ITGB2: variants seen among roughly 807,000 people sequenced by gnomAD.
ITGB2 encodes the protein integrin subunit beta 2, also known as integrin beta-2.
A neutral mutation model predicts 86.8 loss-of-function variants in ITGB2; 56 were observed. The observed-to-expected ratio is 0.65, with a 90% confidence interval of 0.52 to 0.81. ITGB2 has a LOEUF of 0.81. Ranked by LOEUF, ITGB2 falls within the 30% of genes least tolerant of loss-of-function variation. The pLI, the probability that ITGB2 is intolerant of heterozygous loss-of-function variation, is 0.00. For missense variants in ITGB2, 948 were observed against 1,061.2 expected (o/e 0.89, Z 1.48); for synonymous variants, 457 against 450.4 (o/e 1.01, Z -0.19).
chr21:44,903,334 T>C (rs2083992720), intron 5 of ITGB2, 31 bp downstream of exon 5: 1 of 1,613,530 alleles, frequency 6.2e-7, no homozygotes. Flanking sequence ...GGGAAAGGAC[T>C]GGGTTTTGTC....
chr21:44,897,291 G>A (rs184822782), intron 8 of ITGB2, among the ~76,000 whole-genome samples: 8 of 152,342 alleles, frequency 5.3e-5, no homozygotes, highest in East Asian at 1.9e-4. Flanking sequence ...CAAAAGCAGC[G>A]GCCCTCCCGG....
intron 8 of ITGB2, among the ~76,000 whole-genome samples, chr21:44,895,874 AT>A (rs1312372829): frequency 5.5e-4 from 70 of 126,732 alleles, no homozygotes; most frequent in Middle Eastern, 7.9e-3. Context: ...ATGAAATGAA[AT>A]AAAAAAATAA....
At chr21:44,926,584 T>A (rs1568916747) in intron 1 of ITGB2, among the ~76,000 whole-genome samples, 1 of 152,122 alleles carries the variant, frequency 6.6e-6, no homozygotes, top group East Asian at 1.9e-4. Flanking sequence ...GATCCCAAGC[T>A]AGGACTGAGG....
chr21:44,893,422 G>A lies in ITGB2; in HGVS notation c.1206C>T (p.Gly402=), dbSNP rs753706143. 3 of 1,614,002 alleles carry A rather than the reference G, an allele frequency of 1.9e-6. No homozygotes were observed. The highest frequency in any genetic ancestry group is 2.2e-5 in the East Asian group (1 of 44,878). ...GGCTCACCGGGACATTGATCTGCAC[G>A]CCATCACAGTCACCTCTGGGCTGGT... is the stretch of plus-strand genomic sequence containing the variant. ...HRNQPRGDCD[G]VQINVPITFQ... The change falls in exon 10 of 16, where the codon GGC becomes GGT. Residue 402 remains glycine, a synonymous_variant. Transcript: ENST00000652462.
rs546962855 is a variant in ITGB2 at position 44,889,398 on chromosome 21, C to T, written c.1755G>A (p.Pro585=). ...CACGACCACTACACTCAACACGCCG[C>T]GGGTTCAGGCAGCCCTCAGTGGTCC... ...CERTTEGCLN[P]RRVECSGRGR... Residue 585 remains proline, a synonymous_variant, in exon 13 of 16, where the codon CCG becomes CCA. Transcript: ENST00000652462. 92 of 1,612,670 alleles carry T rather than the reference C, an allele frequency of 5.7e-5. No individual in the cohort carries two copies. The South Asian group carries it at 7.6e-4, about 13-fold the overall frequency.
At chr21:44,893,670 A>G in intron 9 of ITGB2, 126 bp from the exon 10 acceptor site, 3 of 1,277,154 alleles carry the variant, frequency 2.3e-6, no homozygotes, top group Non-Finnish European at 3.4e-6. Context: ...AGCTAATGAC[A>G]CAGAGGAGAG....
At chr21:44,894,405 G>A (rs2083833598) in intron 9 of ITGB2, 1 of 173,826 alleles carries the variant, frequency 5.8e-6, no homozygotes, top group Non-Finnish European at 1.3e-5. Flanking sequence ...GGTGCCTGGG[G>A]CCCTGAATGG....
At chr21:44,896,578 A>T (rs557897131) in intron 8 of ITGB2, among the ~76,000 whole-genome samples, 4 of 151,562 alleles carry the variant, frequency 2.6e-5, no homozygotes, top group African/African-American at 9.7e-5. Context: ...GGCCGGTCAC[A>T]GCCTGGCCAC....
chr21:44,888,832 A>G lies in ITGB2; in HGVS notation c.1941T>C (p.Cys647=). ...GGTTGTTCGACAGCTGCAGGCCCGG[A>G]CACGCCGCGCTGCAGTTCTTCCCAA... The part of the protein sequence containing the change: ...GPFGKNCSAA[C]PGLQLSNNPV... The change falls in exon 14 of 16, where the codon TGT becomes TGC. Residue 647 remains cysteine (C), a synonymous_variant. Coordinates refer to ENST00000652462, the MANE Select transcript of ITGB2 (RefSeq NM_000211.5). 6.2e-7 allele frequency: 1 copy of G among 1,610,706 alleles called. No homozygotes were observed. Among genetic ancestry groups the G allele is most frequent in the Non-Finnish European group, 8.5e-7 (1 of 1,179,954 alleles).
chr21:44,889,149 A>C, intron 13 of ITGB2, 127 bp downstream of exon 13: 1 of 919,234 alleles, frequency 1.1e-6, no homozygotes, highest in South Asian at 1.5e-5. Context: ...CCCTCAGTCC[A>C]GACGCACCCG....
rs746687917 is a variant in ITGB2, at chr21:44,901,656, T to C, written c.577A>G (p.Asn193Asp). The C allele has an allele frequency of 6.2e-7, 1 of 1,614,246 alleles. No homozygotes were observed. ...HPDKLRNPCP[N>D]KEKECQPPFA... Reference sequence around the variant, plus strand: ...GGGGGCTGGCACTCTTTCTCCTTGTTGGGGCATGGGTTTCGCAGCTTATCA... The same window carrying C: ...GGGGGCTGGCACTCTTTCTCCTTGTCGGGGCATGGGTTTCGCAGCTTATCA... Residue 193 changes from asparagine (N) to aspartate (D), a missense_variant, in exon 6 of 16, where the codon AAC becomes GAC. Transcript: ENST00000652462.
At chr21:44,913,563 G>C (rs1225654076) in intron 1 of ITGB2, among the ~76,000 whole-genome samples, 3 of 152,170 alleles carry the variant, frequency 2.0e-5, no homozygotes, top group African/African-American at 7.2e-5. Flanking sequence ...GCTTGGAGCT[G>C]GGGGCACAAG....
chr21:44,888,805 G>T lies in ITGB2; in HGVS notation c.1968C>A (p.Pro656=), dbSNP rs766106686. 5 of 1,611,670 alleles carry T rather than the reference G, an allele frequency of 3.1e-6. No homozygotes were observed. Among genetic ancestry groups the T allele is most frequent in the Non-Finnish European group, 4.2e-6 (5 of 1,179,990 alleles). Residue 656 remains proline, a synonymous_variant, in exon 14 of 16, where the codon CCC becomes CCA. Transcript: ENST00000652462. ...TCTCCTTGCAGGTCCTGCCCTTCAC[G>T]GGGTTGTTCGACAGCTGCAGGCCCG... The part of the protein sequence containing the change: ...ACPGLQLSNN[P]VKGRTCKERD...
At position 44,886,051 on chromosome 21, in the gene ITGB2, TTAAATGTAAA is replaced by T; in HGVS notation, c.*307_*316del. On this transcript the variant is annotated 3_prime_UTR_variant, in exon 16 of 16. Coordinates refer to ENST00000652462, the MANE Select transcript of ITGB2 (RefSeq NM_000211.5). ...GATGTCATTTTATACCCTGACAAGT[TTAAATGTAAA>T]TAAATTGGCACCACCTTTAATCAGA... The T allele has an allele frequency of 4.6e-6, 2 of 439,010 alleles. No homozygotes were observed. The highest frequency in any genetic ancestry group is 4.7e-5 in the South Asian group (2 of 42,226). The allele number at this position is 439,010 out of a possible 1,614,324, so 27.2% of individuals were successfully genotyped here. A position where few individuals can be genotyped will look rare whatever the true frequency, so the allele number is the denominator to read the frequency against.
intron 3 of ITGB2, 29 bp downstream of exon 3, chr21:44,910,255 A>G (rs1458515026): frequency 2.5e-6 from 4 of 1,609,884 alleles, no homozygotes; most frequent in Non-Finnish European, 3.4e-6. Flanking sequence ...GGAGCTGGGC[A>G]GGTGGGGAGG....
At chr21:44,892,693 A>G (rs139456888) in intron 10 of ITGB2, among the ~76,000 whole-genome samples, 30 of 152,034 alleles carry the variant, frequency 2.0e-4, no homozygotes, top group African/African-American at 7.0e-4. Flanking sequence ...AGAAAATGCA[A>G]TGAAAGCAAG....
chr21:44,918,950 C>T (rs964631218), intron 1 of ITGB2, among the ~76,000 whole-genome samples: 2 of 150,794 alleles, frequency 1.3e-5, no homozygotes, highest in East Asian at 1.9e-4. Context: ...TCCCCTCTCC[C>T]AGCACTCGGA....
In ITGB2 at chr21:44,893,512, G is replaced by C; in HGVS notation, c.1116C>G (p.Asn372Lys). The C allele has an allele frequency of 6.2e-7, 1 of 1,614,114 alleles. No homozygotes were observed. ...TGACTTTCAGGGTGTCGGGGAGGGCGTTGTGATCCAGGAAGACCCTGGAGG... is the reference window on the plus strand; with the variant it reads ...TGACTTTCAGGGTGTCGGGGAGGGCCTTGTGATCCAGGAAGACCCTGGAGG... ...KLSSRVFLDH[N>K]ALPDTLKVTY... The change falls in exon 10 of 16, where the codon AAC becomes AAG. Residue 372 changes from asparagine to lysine, a missense_variant. Asn to Lys is a moderately conservative substitution (Grantham distance 94, BLOSUM62 0). Transcript: ENST00000652462.
At chr21:44,889,667 G>A (rs546180277) in intron 12 of ITGB2, among the ~76,000 whole-genome samples, 172 bp from the exon 13 acceptor site, 7 of 152,304 alleles carry the variant, frequency 4.6e-5, no homozygotes, top group South Asian at 2.1e-4. Flanking sequence ...CGCCAGCCAC[G>A]TGGCCGCCTC....
Sources: allele counts gnomAD v4.1 joint callset (sites outside exome capture counted in the v4.1 genomes callset), GRCh38; gene constraint gnomAD v4.1.1; transcripts MANE v1.5; gene names NCBI Gene and HGNC (gene_info 2026-07-23, HGNC 2026-07-21).